Variants in UBE2H observed in about 807,000 individuals in gnomAD.
The protein encoded by UBE2H is ubiquitin conjugating enzyme E2 H.
A neutral mutation model predicts 29.0 loss-of-function variants in UBE2H; 3 were observed. That is an observed-to-expected ratio of 0.10 (90% CI 0.05 to 0.27). The LOEUF is 0.27. Among genes scored for constraint, UBE2H ranks in the 10% least tolerant of loss-of-function variants. The pLI is 1.00. For synonymous variants in UBE2H, 69 were observed against 82.9 expected, an observed-to-expected ratio of 0.83 and a Z score of 0.91; for missense variants, 68 against 228.2, an observed-to-expected ratio of 0.30 and a Z score of 4.52.
chr7:129,846,469 C>T (rs1386248863), intron 5 of UBE2H, among the ~76,000 whole-genome samples: 1 of 151,958 alleles, frequency 6.6e-6, no homozygotes, highest in Non-Finnish European at 1.5e-5. Flanking sequence ...GAGGATTGCT[C>T]AAGTCAGGGG....
chr7:129,885,531 AC>A (rs1806343044), intron 1 of UBE2H, among the ~76,000 whole-genome samples: 1 of 152,172 alleles, frequency 6.6e-6, no homozygotes, highest in Non-Finnish European at 1.5e-5. Context: ...GTCCATACTT[AC>A]GTGTATTTTA....
At chr7:129,887,511 C>T (rs541568439) in intron 1 of UBE2H, among the ~76,000 whole-genome samples, 4 of 152,212 alleles carry the variant, frequency 2.6e-5, no homozygotes, top group East Asian at 1.9e-4. Flanking sequence ...TGAGCCACCA[C>T]GCCCAGCTAA....
In UBE2H at chr7:129,894,817, C is replaced by G. The variant is rs2464894; in HGVS notation, c.54-13846G>C. 4.9e-3 allele frequency among the ~76,000 whole-genome samples: 743 copies of G among 151,494 alleles called. 29 individuals carry two copies. The East Asian group carries it at 0.11, about 22-fold the overall frequency. Reference sequence around the variant, plus strand: ...ACCCATCATTTTTTTTTTTTAACTTCTTTTCTCAAAGTACATCCTACTTCT... The same window carrying G: ...ACCCATCATTTTTTTTTTTTAACTTGTTTTCTCAAAGTACATCCTACTTCT... On this transcript the variant is annotated intron_variant, in intron 1 of 6. Transcript: ENST00000355621.
At position 129,890,183 on chromosome 7, in the gene UBE2H, A is replaced by C. The variant is rs536835726; in HGVS notation, c.54-9212T>G. 9.2e-5 allele frequency among the ~76,000 whole-genome samples: 14 copies of C among 152,226 alleles called. No homozygotes were observed. In the South Asian group the frequency reaches 2.7e-3, roughly 29 times the overall value. Reference sequence around the variant, plus strand: ...AGATGAACACATGAATGAAGTTGCCAGTCTGAGACCTTAATTTTAGCCTCT... The same window carrying C: ...AGATGAACACATGAATGAAGTTGCCCGTCTGAGACCTTAATTTTAGCCTCT... On this transcript the variant is annotated intron_variant, in intron 1 of 6. Coordinates refer to ENST00000355621, the MANE Select transcript of UBE2H (RefSeq NM_003344.4).
chr7:129,917,880 C>T (rs1807075551), intron 1 of UBE2H, among the ~76,000 whole-genome samples: 1 of 152,292 alleles, frequency 6.6e-6, no homozygotes, highest in East Asian at 1.9e-4. Flanking sequence ...AATGAACATA[C>T]CAACATACCT....
At chr7:129,894,785 G>A (rs920720748) in intron 1 of UBE2H, among the ~76,000 whole-genome samples, 12 of 151,788 alleles carry the variant, frequency 7.9e-5, no homozygotes, top group African/African-American at 1.9e-4. Flanking sequence ...CACCGCGCCC[G>A]GCCCATACCC....
At chr7:129,902,895 T>C (rs574771982) in intron 1 of UBE2H, among the ~76,000 whole-genome samples, 2 of 152,354 alleles carry the variant, frequency 1.3e-5, no homozygotes, top group South Asian at 2.1e-4. Context: ...CTTACATATG[T>C]TACATCGTTT....
At chr7:129,849,161 T>C (rs955505665) in intron 5 of UBE2H, among the ~76,000 whole-genome samples, 3 of 86,930 alleles carry the variant, frequency 3.5e-5, no homozygotes, top group East Asian at 8.8e-4. Flanking sequence ...TGAAAAAAAC[T>C]TGCAAACAGA....
intron 1 of UBE2H, among the ~76,000 whole-genome samples, chr7:129,884,395 C>G (rs1306912116): frequency 7.1e-6 from 1 of 140,158 alleles, no homozygotes; most frequent in Admixed American, 7.6e-5. Flanking sequence ...CCAGCCTGGG[C>G]GACAGAGCAA....
intron 1 of UBE2H, among the ~76,000 whole-genome samples, chr7:129,905,486 C>T (rs1806797416): frequency 6.6e-6 from 1 of 152,150 alleles, no homozygotes; most frequent in African/African-American, 2.4e-5. Flanking sequence ...CCAGTTGTAC[C>T]TTTCAGACTT....
chr7:129,902,718 G>A (rs1204620973), intron 1 of UBE2H, among the ~76,000 whole-genome samples: 1 of 152,128 alleles, frequency 6.6e-6, no homozygotes, highest in African/African-American at 2.4e-5. Flanking sequence ...TTTAACAAGA[G>A]TCCCCAGTAA....
intron 1 of UBE2H, among the ~76,000 whole-genome samples, chr7:129,906,935 G>A (rs992528991): frequency 6.6e-6 from 1 of 152,164 alleles, no homozygotes; most frequent in African/African-American, 2.4e-5. Flanking sequence ...TCTCCAATGT[G>A]CACTTTAATG....
intron 1 of UBE2H, among the ~76,000 whole-genome samples, chr7:129,916,123 T>C (rs574783016): frequency 1.3e-5 from 2 of 152,334 alleles, no homozygotes; most frequent in East Asian, 3.9e-4. Context: ...TTTCGTCAAA[T>C]GACTTCAGCT....
chr7:129,918,680 GTCCCA>G (rs1563045819), intron 1 of UBE2H, among the ~76,000 whole-genome samples: 1 of 152,166 alleles, frequency 6.6e-6, no homozygotes, highest in African/African-American at 2.4e-5. Context: ...ACCATTTGTT[GTCCCA>G]CTGAAAACTA....
intron 1 of UBE2H, among the ~76,000 whole-genome samples, chr7:129,943,050 C>T (rs1249645633): frequency 6.6e-6 from 1 of 152,098 alleles, no homozygotes; most frequent in African/African-American, 2.4e-5. Flanking sequence ...GCCATGTTGG[C>T]CAGGTTGGTC....
chr7:129,920,502 G>C (rs1387894093), intron 1 of UBE2H, among the ~76,000 whole-genome samples: 1 of 152,002 alleles, frequency 6.6e-6, no homozygotes, highest in South Asian at 2.1e-4. Context: ...AAAGCTACTA[G>C]AATACTTCTA....
At chr7:129,839,382 C>G (rs779172548) in intron 5 of UBE2H, 47 bp from the exon 6 acceptor site, 2 of 1,607,824 alleles carry the variant, frequency 1.2e-6, no homozygotes, top group Non-Finnish European at 1.7e-6. Context: ...GCAAGTTCAC[C>G]TAAAATTCAC....
chr7:129,843,413 G>A (rs1330005465), intron 5 of UBE2H, among the ~76,000 whole-genome samples: 2 of 152,096 alleles, frequency 1.3e-5, no homozygotes, highest in Non-Finnish European at 2.9e-5. Context: ...CAGTCAATGA[G>A]GTAGGCACCA....
intron 5 of UBE2H, among the ~76,000 whole-genome samples, chr7:129,846,656 A>T (rs1292003581): frequency 6.6e-6 from 1 of 152,148 alleles, no homozygotes. Context: ...CCTCACTGGG[A>T]ACCACAATTA....
Sources: gnomAD v4.1 joint callset for allele counts (sites outside exome capture counted in the v4.1 genomes callset) on GRCh38, gnomAD v4.1.1 for gene constraint, MANE v1.5 for transcripts, NCBI Gene and HGNC (gene_info 2026-07-23, HGNC 2026-07-21) for gene names.